Variants in LRRC37A observed in about 807,000 individuals in gnomAD.
LRRC37A encodes the protein leucine-rich repeat-containing protein 37A.
LRRC37A carries 3 observed loss-of-function variants against 35.4 expected under a neutral mutation model. That is an observed-to-expected ratio of 0.08 (90% CI 0.04 to 0.22). LRRC37A has a LOEUF of 0.22. Among genes scored for constraint, LRRC37A ranks in the 10% least tolerant of loss-of-function variants. LRRC37A has a pLI of 1.00. For missense variants in LRRC37A, 67 were observed against 565.3 expected (o/e 0.12, Z 8.94); for synonymous variants, 23 against 215.0 (o/e 0.11, Z 7.81).
chr17:46,278,317 G>A, the LRRC37A span, among the ~76,000 whole-genome samples: 11,523 of 145,410 alleles, frequency 0.079, no homozygotes, highest in Middle Eastern at 0.13. Context: ...GCAAATGAGA[G>A]CCAAGCTCAC....
the LRRC37A span, among the ~76,000 whole-genome samples, chr17:46,264,813 G>A: frequency 4.6e-5 from 7 of 152,246 alleles, no homozygotes; most frequent in African/African-American, 7.2e-5. Context: ...ATTTCAGGGT[G>A]TGGGTTTCAG....
chr17:46,248,797 C>A, the LRRC37A span, among the ~76,000 whole-genome samples: 1 of 151,990 alleles, frequency 6.6e-6, no homozygotes. Context: ...TAGGATTACA[C>A]GTGTGAGCCA....
the LRRC37A span, among the ~76,000 whole-genome samples, chr17:46,262,785 T>C: frequency 0.15 from 22,104 of 143,344 alleles, 2,294 homozygotes; most frequent in Middle Eastern, 0.23. Flanking sequence ...AACTCGGTCT[T>C]GGAAAAAAAA....
the LRRC37A span, among the ~76,000 whole-genome samples, chr17:46,261,992 C>T: frequency 1.3e-5 from 2 of 152,174 alleles, no homozygotes; most frequent in African/African-American, 4.8e-5. Context: ...CTCTGTTGCC[C>T]AGGCTGGAGT....
the LRRC37A span, among the ~76,000 whole-genome samples, chr17:46,253,213 C>T: frequency 6.8e-6 from 1 of 147,090 alleles, no homozygotes; most frequent in Non-Finnish European, 1.5e-5. Context: ...GAGGCGCTCC[C>T]CACATCTCAG....
At chr17:46,264,850 A>T in the LRRC37A span, among the ~76,000 whole-genome samples, 26 of 152,350 alleles carry the variant, frequency 1.7e-4, no homozygotes, top group African/African-American at 6.3e-4. Flanking sequence ...CTGCAACAGA[A>T]GAGTTTTGGG....
chr17:46,260,912 C>T, the LRRC37A span, among the ~76,000 whole-genome samples: 5 of 152,302 alleles, frequency 3.3e-5, no homozygotes, highest in East Asian at 9.6e-4. Context: ...CATGAGCCAC[C>T]GTGCCCCGTC....
At chr17:46,259,017 C>CTA in the LRRC37A span, among the ~76,000 whole-genome samples, 1 of 24,992 alleles carries the variant, frequency 4.0e-5, no homozygotes, top group Non-Finnish European at 1.4e-4. Flanking sequence ...CGCACCCGGC[C>CTA]TATTTTTTTT....
chr17:46,258,953 C>T, the LRRC37A span, among the ~76,000 whole-genome samples: 2 of 146,706 alleles, frequency 1.4e-5, no homozygotes, highest in African/African-American at 5.1e-5. Context: ...CTCCTGACCT[C>T]GTGATCCGCC....
intron 9 of LRRC37A, 46 bp from the exon 10 acceptor site, chr17:46,332,506 T>C (rs2052018624): frequency 7.8e-7 from 1 of 1,274,716 alleles, no homozygotes; most frequent in Non-Finnish European, 1.1e-6. Context: ...GGGTTTTGAA[T>C]AGTTAGCTCT....
the LRRC37A span, among the ~76,000 whole-genome samples, chr17:46,257,739 T>G: frequency 6.6e-6 from 1 of 151,462 alleles, no homozygotes; most frequent in Non-Finnish European, 1.5e-5. Flanking sequence ...GGAGGATCCC[T>G]TGAGCCTTGG....
At chr17:46,275,803 T>G in the LRRC37A span, among the ~76,000 whole-genome samples, 2 of 152,146 alleles carry the variant, frequency 1.3e-5, no homozygotes, top group African/African-American at 4.8e-5. Context: ...AAGGGAAAAA[T>G]TATGCTAAAA....
chr17:46,304,962 G>A (rs1567863823), intron 3 of LRRC37A, among the ~76,000 whole-genome samples: 1 of 71,894 alleles, frequency 1.4e-5, no homozygotes, highest in Non-Finnish European at 4.1e-5. Flanking sequence ...TCCGCCTCCT[G>A]GGTTCATGCC....
chr17:46,291,201 G>A (rs577273948), upstream of LRRC37A, among the ~76,000 whole-genome samples: 168 of 152,294 alleles, frequency 1.1e-3, no homozygotes, highest in African/African-American at 3.9e-3. Context: ...TTATAACATC[G>A]TGGGACGGAT....
intron 10 of LRRC37A, among the ~76,000 whole-genome samples, chr17:46,334,466 G>T (rs1598187210): frequency 2.6e-4 from 1 of 3,912 alleles, no homozygotes; most frequent in Non-Finnish European, 6.3e-4. Context: ...TCAGGGCCTT[G>T]TTGTCACCCA....
chr17:46,287,877 C>A (rs1002081072), upstream of LRRC37A, among the ~76,000 whole-genome samples: 2 of 152,178 alleles, frequency 1.3e-5, no homozygotes, highest in African/African-American at 4.8e-5. Context: ...GACGTAATGA[C>A]AAAAGAAAAA....
At chr17:46,315,441 C>T (rs2051032669) in intron 5 of LRRC37A, among the ~76,000 whole-genome samples, 1 of 131,588 alleles carries the variant, frequency 7.6e-6, no homozygotes, top group Admixed American at 7.8e-5. Flanking sequence ...GCAGGAGGAT[C>T]ACTTGAGCCC....
At chr17:46,260,512 C>G in the LRRC37A span, 2 of 1,606,048 alleles carry the variant, frequency 1.2e-6, no homozygotes, top group Non-Finnish European at 1.7e-6. Flanking sequence ...TCTGCCCGTT[C>G]ACCTGCACCA....
chr17:46,254,459 TTCCCAGGC>T, the LRRC37A span, among the ~76,000 whole-genome samples: 166 of 152,264 alleles, frequency 1.1e-3, 1 homozygote, highest in African/African-American at 3.9e-3. Flanking sequence ...TCACTCTTGT[TTCCCAGGC>T]TCCCAGGCTC....
Sources: gnomAD v4.1 joint callset for allele counts (sites outside exome capture counted in the v4.1 genomes callset) on GRCh38, gnomAD v4.1.1 for gene constraint, MANE v1.5 for transcripts, NCBI Gene and HGNC (gene_info 2026-07-23, HGNC 2026-07-21) for gene names.